Variants in COLEC10 observed in about 807,000 individuals in gnomAD.
The protein encoded by COLEC10 is collectin subfamily member 10.
A neutral mutation model predicts 28.4 loss-of-function variants in COLEC10; 22 were observed. The ratio of observed to expected loss-of-function variants is 0.78; its 90% CI spans 0.55 to 1.11. The LOEUF is 1.11. Among genes scored for constraint, COLEC10 ranks in the 50% least tolerant of loss-of-function variants. The probability of loss-of-function intolerance (pLI) is 0.00; values close to 1 mark genes in which losing one functional copy is unlikely to be tolerated. For missense variants in COLEC10, 361 were observed against 344.1 expected (o/e 1.05, Z -0.39); for synonymous variants, 125 against 116.1 (o/e 1.08, Z -0.49).
At chr8:118,957,598 G>A in the COLEC10 span, among the ~76,000 whole-genome samples, 1 of 152,188 alleles carries the variant, frequency 6.6e-6, no homozygotes, top group African/African-American at 2.4e-5. Context: ...TTGAATCTAT[G>A]GACAGTAGGA....
At chr8:119,105,168 G>A (rs1332346812) in intron 5 of COLEC10, among the ~76,000 whole-genome samples, 1 of 152,156 alleles carries the variant, frequency 6.6e-6, no homozygotes, top group Non-Finnish European at 1.5e-5. Flanking sequence ...TCCAGGCACT[G>A]AAGCCAAAGA....
At chr8:119,027,697 T>C (rs779414963) in intron 2 of COLEC10, among the ~76,000 whole-genome samples, 4 of 152,200 alleles carry the variant, frequency 2.6e-5, no homozygotes, top group Non-Finnish European at 4.4e-5. Context: ...TTTGTGAGTT[T>C]AACTTCTCTG....
intron 2 of COLEC10, among the ~76,000 whole-genome samples, chr8:119,022,086 G>T (rs1210907248): frequency 6.6e-5 from 10 of 151,946 alleles, no homozygotes; most frequent in Non-Finnish European, 4.4e-5. Context: ...TAGCCTCTCT[G>T]CCAGCAATGT....
intron 1 of COLEC10, among the ~76,000 whole-genome samples, chr8:118,999,288 A>G (rs1450986784): frequency 6.6e-6 from 1 of 152,064 alleles, no homozygotes; most frequent in Admixed American, 6.5e-5. Context: ...ACTAAGCCCT[A>G]GGATGTCCTA....
Position 119,105,974 on chromosome 8 carries a change from G to T in COLEC10, c.617G>T (p.Arg206Leu). The change falls in exon 6 of 6, where the codon CGG becomes CTG. Residue 206 changes from arginine to leucine, a missense_variant. Coordinates refer to ENST00000332843, the MANE Select transcript of COLEC10 (RefSeq NM_006438.5). ...ADYVAKSGFF[R>L]VFIGVNDLER... ...TATGTTGCCAAGAGTGGCTTCTTTC[G>T]GGTGTTCATTGGCGTGAATGACCTT... The T allele has an allele frequency of 1.2e-6, 2 of 1,613,740 alleles. No homozygotes were observed. The highest frequency in any genetic ancestry group is 1.7e-6 in the Non-Finnish European group (2 of 1,179,874).
intron 1 of COLEC10, among the ~76,000 whole-genome samples, chr8:119,081,501 G>A (rs920733789): frequency 1.3e-5 from 2 of 151,852 alleles, no homozygotes; most frequent in Admixed American, 1.3e-4. Context: ...TTTCTCATAT[G>A]CTATATATGT....
Position 119,103,789 on chromosome 8 carries a change from T to C in COLEC10, c.347-11T>C. Reference sequence around the variant, plus strand: ...CTTCAACATGAATTCACAGTTTTTGTCATTTAAAAGGTACTGTCTGTGATT... The same window carrying C: ...CTTCAACATGAATTCACAGTTTTTGCCATTTAAAAGGTACTGTCTGTGATT... On this transcript the variant is annotated splice_polypyrimidine_tract_variant and intron_variant, in intron 4 of 5. Coordinates refer to ENST00000332843, the MANE Select transcript of COLEC10 (RefSeq NM_006438.5). 1 of 1,568,920 alleles carries C rather than the reference T, an allele frequency of 6.4e-7. No individual in the cohort carries two copies. Among genetic ancestry groups the C allele is most frequent in the Middle Eastern group, 1.7e-4 (1 of 5,958 alleles).
At chr8:119,061,034 G>T (rs1472197506) in intron 2 of COLEC10, among the ~76,000 whole-genome samples, 2 of 151,916 alleles carry the variant, frequency 1.3e-5, no homozygotes, top group Non-Finnish European at 2.9e-5. Flanking sequence ...AAGCTATAAA[G>T]GAAGAAAAAT....
At chr8:119,092,939 C>G (rs1176713386) in intron 3 of COLEC10, among the ~76,000 whole-genome samples, 2 of 152,010 alleles carry the variant, frequency 1.3e-5, no homozygotes, top group African/African-American at 4.8e-5. Flanking sequence ...TACTGAATAA[C>G]ATGACTACTC....
intron 1 of COLEC10, among the ~76,000 whole-genome samples, chr8:119,073,418 TTTCTG>T (rs1815163324): frequency 6.6e-6 from 1 of 152,226 alleles, no homozygotes; most frequent in Non-Finnish European, 1.5e-5. Context: ...TGCTGATTCT[TTTCTG>T]GTAACTATCA....
At chr8:119,081,889 A>C in intron 1 of COLEC10, among the ~76,000 whole-genome samples, 1 of 152,210 alleles carries the variant, frequency 6.6e-6, no homozygotes, top group East Asian at 1.9e-4. Flanking sequence ...AGTTGGGAAA[A>C]GTGAAGTTCA....
At chr8:119,027,714 T>A (rs2130120806) in intron 2 of COLEC10, among the ~76,000 whole-genome samples, 1 of 152,318 alleles carries the variant, frequency 6.6e-6, no homozygotes, top group Non-Finnish European at 1.5e-5. Flanking sequence ...TCTGCACAGT[T>A]AAAATATCTT....
At chr8:119,043,594 A>G (rs1168521799) in intron 2 of COLEC10, among the ~76,000 whole-genome samples, 1 of 152,164 alleles carries the variant, frequency 6.6e-6, no homozygotes, top group Non-Finnish European at 1.5e-5. Flanking sequence ...TACATAAACA[A>G]TTTTGCTTTC....
chr8:119,073,970 A>G (rs1051925237), intron 1 of COLEC10, among the ~76,000 whole-genome samples: 4 of 150,840 alleles, frequency 2.7e-5, no homozygotes, highest in Non-Finnish European at 5.9e-5. Context: ...ACATATACAC[A>G]TATATATACA....
At chr8:118,980,906 G>T in the COLEC10 span, among the ~76,000 whole-genome samples, 1 of 151,788 alleles carries the variant, frequency 6.6e-6, no homozygotes, top group South Asian at 2.1e-4. Context: ...GGGGTGGATT[G>T]TTTGTTTTTC....
chr8:118,954,198 G>A, the COLEC10 span, among the ~76,000 whole-genome samples: 1 of 152,238 alleles, frequency 6.6e-6, no homozygotes, highest in Non-Finnish European at 1.5e-5. Context: ...GTAATTAGCT[G>A]TAAGCTGGAG....
upstream of COLEC10, among the ~76,000 whole-genome samples, chr8:118,992,526 C>T (rs76726438): frequency 0.029 from 4,427 of 152,100 alleles, 132 homozygotes; most frequent in East Asian, 0.17. Context: ...AATCTGTATG[C>T]AACAAATATT....
At chr8:119,018,839 G>A (rs959653775) in intron 2 of COLEC10, among the ~76,000 whole-genome samples, 4 of 152,044 alleles carry the variant, frequency 2.6e-5, no homozygotes, top group Admixed American at 6.6e-5. Context: ...AATCTTTTCC[G>A]ATTATTTAAT....
the COLEC10 span, among the ~76,000 whole-genome samples, chr8:118,987,121 C>T: frequency 6.6e-6 from 1 of 152,060 alleles, no homozygotes; most frequent in Non-Finnish European, 1.5e-5. Flanking sequence ...CTTGGGAATG[C>T]TTGCGGAACT....
Sources: allele counts gnomAD v4.1 joint callset (sites outside exome capture counted in the v4.1 genomes callset), GRCh38; gene constraint gnomAD v4.1.1; transcripts MANE v1.5; gene names NCBI Gene and HGNC (gene_info 2026-07-23, HGNC 2026-07-21).